DYRK1A: variants seen among roughly 807,000 people sequenced by gnomAD.
DYRK1A encodes dual specificity tyrosine-phosphorylation-regulated kinase 1A.
Under a neutral mutation model 79.7 loss-of-function variants are expected in DYRK1A, and 9 were observed. The observed-to-expected ratio is 0.11, with a 90% CI of 0.07 to 0.20. DYRK1A has a LOEUF of 0.20. Ranked by LOEUF, DYRK1A falls within the 10% of genes least tolerant of loss-of-function variation. The pLI is 1.00. For missense variants in DYRK1A, 622 were observed against 956.0 expected (o/e 0.65, Z 4.61); for synonymous variants, 349 against 329.7 (o/e 1.06, Z -0.63).
chr21:37,479,776 C>T (rs576274317), intron 4 of DYRK1A, among the ~76,000 whole-genome samples: 6 of 151,596 alleles, frequency 4.0e-5, no homozygotes, highest in Admixed American at 2.6e-4. Context: ...TACAGGTGCC[C>T]GCCACCATGC....
chr21:37,386,177 C>T (rs1427081346), intron 1 of DYRK1A, among the ~76,000 whole-genome samples: 2 of 152,078 alleles, frequency 1.3e-5, no homozygotes, highest in East Asian at 3.9e-4. Flanking sequence ...ATTCTGTATT[C>T]CTTCTATATT....
intron 5 of DYRK1A, among the ~76,000 whole-genome samples, chr21:37,483,567 TTTTTGTTTTG>T (rs553868561): frequency 1.3e-4 from 20 of 152,040 alleles, no homozygotes; most frequent in African/African-American, 2.7e-4. Flanking sequence ...GGAGTCCTTT[TTTTTGTTTTG>T]TTTTGTTTTG....
intron 1 of DYRK1A, among the ~76,000 whole-genome samples, chr21:37,405,198 G>A (rs1415931427): frequency 6.6e-6 from 1 of 152,052 alleles, no homozygotes; most frequent in African/African-American, 2.4e-5. Context: ...GTTGAACCCC[G>A]CTTCCCACCT....
chr21:37,376,012 G>C (rs2049532195), intron 1 of DYRK1A, among the ~76,000 whole-genome samples: 1 of 151,964 alleles, frequency 6.6e-6, no homozygotes, highest in African/African-American at 2.4e-5. Flanking sequence ...AGCAGACGAG[G>C]AGATGAAGAA....
intron 1 of DYRK1A, chr21:37,419,098 C>T (rs1440523297): frequency 1.3e-5 from 2 of 152,152 alleles, no homozygotes; most frequent in East Asian, 1.9e-4. Context: ...TGTAGCACCA[C>T]TTGGAATTCT....
Position 37,521,870 on chromosome 21 carries a change from TC to T in DYRK1A, c.*9342del. ...GTGAAAAGAGAGGAGTCAGGCTTCC[TC>T]CCAGAGTTTGAGGACTTTGAGTGCT... On this transcript the variant is annotated 3_prime_UTR_variant, in exon 12 of 12. Coordinates refer to ENST00000647188, the MANE Select transcript of DYRK1A (RefSeq NM_001347721.2). 1 of 152,206 alleles carries T rather than the reference TC, an allele frequency of 6.6e-6. No individual in the cohort carries two copies. Among genetic ancestry groups the T allele is most frequent in the East Asian group, 1.9e-4 (1 of 5,190 alleles). The allele number at this position is 152,206 out of a possible 1,614,324, so 9.4% of individuals were successfully genotyped here. A position where few individuals can be genotyped will look rare whatever the true frequency, so the allele number is the denominator to read the frequency against.
At chr21:37,400,420 T>G (rs1034484595) in intron 1 of DYRK1A, among the ~76,000 whole-genome samples, 9 of 152,226 alleles carry the variant, frequency 5.9e-5, no homozygotes, top group African/African-American at 2.2e-4. Context: ...TCCTATAAAT[T>G]ATTTGGAAAA....
At chr21:37,479,594 G>GTTTTTTTTTTT (rs1569361972) in intron 4 of DYRK1A, among the ~76,000 whole-genome samples, 1 of 24,292 alleles carries the variant, frequency 4.1e-5, no homozygotes, top group African/African-American at 2.3e-4. Flanking sequence ...TTGGTGTTTT[G>GTTTTTTTTTTT]TTTTTGTTTT....
chr21:37,382,262 C>T (rs1217759141), intron 1 of DYRK1A, among the ~76,000 whole-genome samples: 3 of 150,702 alleles, frequency 2.0e-5, no homozygotes, highest in African/African-American at 7.3e-5. Flanking sequence ...CTCACTTTTA[C>T]GGGGATCTCA....
chr21:37,479,619 G>GTTTTTGTTTTTGTTT (rs2052550822), intron 4 of DYRK1A, among the ~76,000 whole-genome samples: 1 of 73,898 alleles, frequency 1.4e-5, no homozygotes, highest in African/African-American at 5.2e-5. Context: ...TTTGTTTTTT[G>GTTTTTGTTTTTGTTT]TTTTTTTTTT....
In DYRK1A at chr21:37,480,707, C is replaced by T. The variant is rs2052608140; in HGVS notation, c.370C>T (p.Arg124Trp). 6.2e-7 allele frequency: 1 copy of T among 1,612,276 alleles called. No homozygotes were observed. Among genetic ancestry groups the T allele is most frequent in the Non-Finnish European group, 8.5e-7 (1 of 1,179,274 alleles). The change falls in exon 5 of 12, where the codon CGG becomes TGG. Residue 124 changes from arginine (R) to tryptophan (W), a missense_variant. Arg to Trp is a moderately radical substitution (Grantham distance 101). This residue lies in a region of DYRK1A where 138 missense variants were observed against 346.4 expected (regional missense o/e 0.40). Transcript: ENST00000647188. ...AGACGATTCTAGTCATAAGAAGGAA[C>T]GGAAGGTTTACAATGATGGTTATGA... The part of the protein sequence containing the change: ...QGDDSSHKKE[R>W]KVYNDGYDDD...
chr21:37,406,741 AT>A (rs920839926), intron 1 of DYRK1A, among the ~76,000 whole-genome samples: 3 of 147,456 alleles, frequency 2.0e-5, no homozygotes, highest in African/African-American at 7.5e-5. Flanking sequence ...GTATATCTCT[AT>A]ATATCTCTAT....
At chr21:37,430,714 A>T (rs2050753954) in intron 2 of DYRK1A, among the ~76,000 whole-genome samples, 1 of 151,964 alleles carries the variant, frequency 6.6e-6, no homozygotes, top group South Asian at 2.1e-4. Context: ...AAGCAGTTTG[A>T]ACTTGTGGTT....
intron 8 of DYRK1A, among the ~76,000 whole-genome samples, chr21:37,494,638 C>T (rs1056594482): frequency 1.3e-5 from 2 of 152,112 alleles, no homozygotes; most frequent in Non-Finnish European, 2.9e-5. Context: ...CAGCATCTGA[C>T]ATCATGTATT....
chr21:37,496,369 T>C (rs1378992191), intron 9 of DYRK1A, 111 bp downstream of exon 9: 1 of 1,062,066 alleles, frequency 9.4e-7, no homozygotes, highest in African/African-American at 1.6e-5. Flanking sequence ...AGTTAACGAT[T>C]TTATTGATAC....
chr21:37,496,276 CT>C lies in DYRK1A; in HGVS notation c.1212+19del, dbSNP rs769852418. ...GAAAACGGGTAAAATAAGGATATAT[CT>C]GTTTTGAGCCTTTATTAAATTTCTT... On this transcript the variant is annotated intron_variant, in intron 9 of 11. Coordinates refer to ENST00000647188, the MANE Select transcript of DYRK1A (RefSeq NM_001347721.2). The C allele has an allele frequency of 2.5e-6, 4 of 1,590,972 alleles. No homozygotes were observed. Among genetic ancestry groups the C allele is most frequent in the Non-Finnish European group, 3.4e-6 (4 of 1,172,628 alleles).
chr21:37,447,603 A>G (rs909273644), intron 2 of DYRK1A, among the ~76,000 whole-genome samples: 5 of 152,154 alleles, frequency 3.3e-5, no homozygotes, highest in Middle Eastern at 3.4e-3. Flanking sequence ...AAACATTCAC[A>G]CTCTGGCCCC....
At chr21:37,369,017 A>G (rs2049376316) in intron 1 of DYRK1A, among the ~76,000 whole-genome samples, 1 of 152,176 alleles carries the variant, frequency 6.6e-6, no homozygotes, top group Non-Finnish European at 1.5e-5. Flanking sequence ...AAGGAATTAA[A>G]GATATTCCTT....
chr21:37,422,562 T>A (rs1423202776), intron 2 of DYRK1A, among the ~76,000 whole-genome samples: 1 of 152,154 alleles, frequency 6.6e-6, no homozygotes, highest in African/African-American at 2.4e-5. Flanking sequence ...TACTCTCATC[T>A]TTTCCTTGAT....
Sources: allele counts gnomAD v4.1 joint callset (sites outside exome capture counted in the v4.1 genomes callset), GRCh38; gene constraint gnomAD v4.1.1; regional missense constraint gnomAD v4.1.1; transcripts MANE v1.5; gene names NCBI Gene and HGNC (gene_info 2026-07-23, HGNC 2026-07-21).